Variants in SSH1 observed in about 807,000 individuals in gnomAD.
The protein encoded by SSH1 is protein phosphatase Slingshot homolog 1.
In SSH1, 43 loss-of-function variants were observed where a neutral mutation model predicts 79.7. The observed-to-expected ratio is 0.54, with a 90% CI of 0.42 to 0.70. The LOEUF (loss-of-function observed/expected upper bound fraction) is 0.70, where lower values mean the gene tolerates loss of function less well. SSH1 is among the 30% of genes least tolerant of loss of function. SSH1 has a pLI of 0.00. For missense variants in SSH1, 1,206 were observed against 1,358.8 expected, an observed-to-expected ratio of 0.89 and a Z score of 1.77; for synonymous variants, 599 against 538.3, an observed-to-expected ratio of 1.11 and a Z score of -1.56.
At chr12:108,838,502 C>G (rs1172483396) in intron 2 of SSH1, among the ~76,000 whole-genome samples, 1 of 152,186 alleles carries the variant, frequency 6.6e-6, no homozygotes, top group Admixed American at 6.5e-5. Flanking sequence ...CTGACCTGCC[C>G]GTGCAGGCCT....
In SSH1 at chr12:108,781,381, T is replaced by G. The variant is rs1156959397; in HGVS notation, c.*6607A>C. 1.3e-5 allele frequency: 2 copies of G among 152,226 alleles called. No individual in the cohort carries two copies. The highest frequency in any genetic ancestry group is 4.8e-5 in the African/African-American group (2 of 41,444). The allele number at this position is 152,226 out of a possible 1,614,324, so 9.4% of individuals were successfully genotyped here. ...CACTTCAGTGAGCCATGACTGCCAC[T>G]GCACTCCAGGCTGTCTCAAAAAAAG... is the stretch of plus-strand genomic sequence containing the variant. On this transcript the variant is annotated 3_prime_UTR_variant, in exon 15 of 15. Coordinates refer to ENST00000326495, the MANE Select transcript of SSH1 (RefSeq NM_018984.4).
At position 108,790,184 on chromosome 12, in the gene SSH1, C is replaced by T. The variant is rs553704431; in HGVS notation, c.1894-940G>A. On this transcript the variant is annotated intron_variant, in intron 14 of 14. Transcript: ENST00000326495. Reference sequence around the variant, plus strand: ...TTTTTTTTTTAAATGAAGTTTCGCTCTTGTTGCCCAGGGTGGAGTGCAATT... The same window carrying T: ...TTTTTTTTTTAAATGAAGTTTCGCTTTTGTTGCCCAGGGTGGAGTGCAATT... Among the ~76,000 whole-genome samples the T allele has an allele frequency of 2.7e-3, 400 of 150,694 alleles. 2 individuals are homozygous for T. The highest frequency in any genetic ancestry group is 3.2e-3 in the Non-Finnish European group (214 of 67,668).
intron 13 of SSH1, among the ~76,000 whole-genome samples, chr12:108,793,565 A>G (rs1043595469): frequency 1.3e-5 from 2 of 151,786 alleles, no homozygotes; most frequent in Non-Finnish European, 2.9e-5. Flanking sequence ...TAATTTTTAA[A>G]TTATTTTTTT....
chr12:108,824,679 G>T (rs1383490096), intron 2 of SSH1, among the ~76,000 whole-genome samples: 1 of 152,130 alleles, frequency 6.6e-6, no homozygotes, highest in Non-Finnish European at 1.5e-5. Flanking sequence ...GTTTATTTGG[G>T]AGGCTGGGGT....
intron 14 of SSH1, among the ~76,000 whole-genome samples, chr12:108,791,047 GGAGTT>G (rs1354309455): frequency 4.6e-5 from 7 of 152,342 alleles, no homozygotes; most frequent in Admixed American, 2.6e-4. Context: ...AGAGACTAAT[GGAGTT>G]AAGTATTAGA....
At chr12:108,837,788 T>C (rs2038675657) in intron 2 of SSH1, among the ~76,000 whole-genome samples, 1 of 152,206 alleles carries the variant, frequency 6.6e-6, no homozygotes, top group South Asian at 2.1e-4. Flanking sequence ...ATTTTTTTTT[T>C]TTTCCTTTGA....
intron 2 of SSH1, among the ~76,000 whole-genome samples, chr12:108,844,790 A>G (rs2038860743): frequency 6.6e-6 from 1 of 152,186 alleles, no homozygotes; most frequent in Admixed American, 6.5e-5. Context: ...AGAAGCAAGC[A>G]CCACGAATTC....
intron 2 of SSH1, among the ~76,000 whole-genome samples, chr12:108,831,362 C>A (rs1232404643): frequency 6.6e-6 from 1 of 152,116 alleles, no homozygotes; most frequent in Non-Finnish European, 1.5e-5. Flanking sequence ...ACGAGCATTC[C>A]AAAAAGGAGG....
At chr12:108,811,108 TCTCA>T in intron 6 of SSH1, 148 bp downstream of exon 6, 1 of 742,302 alleles carries the variant, frequency 1.3e-6, no homozygotes, top group East Asian at 2.7e-5. Context: ...CCTCGTGCCC[TCTCA>T]CTCGAGGGCA....
At position 108,807,476 on chromosome 12, in the gene SSH1, G is replaced by A. The variant is rs186724747; in HGVS notation, c.731+157C>T. The stretch of plus-strand genomic sequence containing the variant: ...ACAGGGGCCTGTGTCACAGACCCCT[G>A]CTTTAAACGCTGGTTCTGAGAAAGC... On this transcript the variant is annotated intron_variant, in intron 8 of 14. Transcript: ENST00000326495. The surrounding 1 kb of genome is among the most constrained non-coding windows in gnomAD (Gnocchi z 5.2). The A allele has an allele frequency of 2.5e-5, 16 of 638,674 alleles. No homozygotes were observed. The East Asian group carries it at 4.3e-4, about 17-fold the overall frequency. The allele number at this position is 638,674 out of a possible 1,614,324, so 39.6% of individuals were successfully genotyped here.
At chr12:108,814,651 C>A (rs1004862808) in intron 5 of SSH1, among the ~76,000 whole-genome samples, 3 of 152,180 alleles carry the variant, frequency 2.0e-5, no homozygotes, top group African/African-American at 7.2e-5. Context: ...GCCTCTCAAC[C>A]GCCCTCTCCA....
intron 2 of SSH1, among the ~76,000 whole-genome samples, chr12:108,837,879 C>A (rs368273287): frequency 2.2e-4 from 33 of 152,044 alleles, no homozygotes; most frequent in African/African-American, 7.2e-4. Flanking sequence ...ACCTCCCAGG[C>A]TCAAGCGATC....
chr12:108,784,219 T>G lies in SSH1; in HGVS notation c.*3769A>C, dbSNP rs1246805301. 1 of 152,232 alleles carries G rather than the reference T, an allele frequency of 6.6e-6. No individual in the cohort carries two copies. Among genetic ancestry groups the G allele is most frequent in the Non-Finnish European group, 1.5e-5 (1 of 68,070 alleles). 9.4% of individuals were successfully genotyped at this position (152,232 alleles called of 1,614,324 possible). A position where few individuals can be genotyped will look rare whatever the true frequency, so the allele number is the denominator to read the frequency against. On this transcript the variant is annotated 3_prime_UTR_variant, in exon 15 of 15. Transcript: ENST00000326495. ...CCTTCTAGAATGGACTGCCCTCAGATAAGAGTGCATTAGTCCAGGGCCGTG... is the reference window on the plus strand; with the variant it reads ...CCTTCTAGAATGGACTGCCCTCAGAGAAGAGTGCATTAGTCCAGGGCCGTG...
At chr12:108,826,154 C>T in intron 2 of SSH1, 2 of 455,556 alleles carry the variant, frequency 4.4e-6, no homozygotes, top group Admixed American at 2.4e-5. Context: ...TGACCTTTGC[C>T]TTGGAAACCA....
intron 2 of SSH1, among the ~76,000 whole-genome samples, chr12:108,849,056 G>C (rs541439704): frequency 6.6e-6 from 1 of 152,312 alleles, no homozygotes; most frequent in East Asian, 1.9e-4. Context: ...AAAGGCGGCA[G>C]AGTAGGATCA....
At chr12:108,804,742 G>C (rs1244975452) in intron 10 of SSH1, among the ~76,000 whole-genome samples, 2 of 152,240 alleles carry the variant, frequency 1.3e-5, no homozygotes, top group Non-Finnish European at 2.9e-5. Flanking sequence ...TGGGGCCTAT[G>C]TGTTAGTGGC....
At chr12:108,829,656 A>G (rs530239322) in intron 2 of SSH1, among the ~76,000 whole-genome samples, 2 of 152,328 alleles carry the variant, frequency 1.3e-5, no homozygotes, top group East Asian at 1.9e-4. Context: ...GAAACATCAC[A>G]GTATGGAATA....
chr12:108,811,652 C>T, intron 5 of SSH1: 3 of 418,404 alleles, frequency 7.2e-6, no homozygotes, highest in South Asian at 4.3e-5. Flanking sequence ...TAGGCAAGCA[C>T]CGGCAGCCAA....
intron 3 of SSH1, among the ~76,000 whole-genome samples, chr12:108,821,311 T>G (rs564923296): frequency 1.3e-5 from 2 of 151,936 alleles, no homozygotes; most frequent in East Asian, 1.9e-4. Context: ...GGACAATCAC[T>G]TGAGCCCAGG....
Sources: gnomAD v4.1 joint callset for allele counts (sites outside exome capture counted in the v4.1 genomes callset) on GRCh38, gnomAD v4.1.1 for gene constraint, Gnocchi (gnomAD v3.1) non-coding constraint, MANE v1.5 for transcripts, NCBI Gene and HGNC (gene_info 2026-07-23, HGNC 2026-07-21) for gene names.